Variants in RNF24 observed in about 807,000 individuals in gnomAD.
RNF24 encodes ring finger protein 24.
Under a neutral mutation model 20.0 loss-of-function variants are expected in RNF24, and 14 were observed. The observed-to-expected ratio is 0.70, with a 90% CI of 0.46 to 1.10. The LOEUF is 1.10. Among genes scored for constraint, RNF24 ranks in the 50% least tolerant of loss-of-function variants. RNF24 has a pLI of 0.00. For synonymous variants in RNF24, 45 were observed against 61.1 expected (o/e 0.74, Z 1.23); for missense variants, 124 against 177.6 (o/e 0.70, Z 1.71).
chr20:3,946,148 T>C (rs1203979846), intron 3 of RNF24, among the ~76,000 whole-genome samples: 10 of 152,176 alleles, frequency 6.6e-5, no homozygotes, highest in Non-Finnish European at 2.9e-5. Flanking sequence ...TTAGCCTACA[T>C]ACAAATATCT....
At chr20:3,992,003 AG>A in intron 1 of RNF24, among the ~76,000 whole-genome samples, 1 of 151,966 alleles carries the variant, frequency 6.6e-6, no homozygotes, top group Non-Finnish European at 1.5e-5. Flanking sequence ...CTTTTTACTG[AG>A]TTGGAAAATG....
In RNF24 at chr20:3,967,950, G is replaced by A. The variant is rs141103066; in HGVS notation, c.-7-3926C>T. On this transcript the variant is annotated intron_variant, in intron 1 of 5. Transcript: ENST00000358395. ...GGAAGTTGCAGTGAGCCGAGATTGC[G>A]CCACTGCACTCCAGCCTGGCAACAA... 9.1e-3 allele frequency among the ~76,000 whole-genome samples: 1,217 copies of A among 133,306 alleles called. 18 individuals are homozygous for A. Among genetic ancestry groups the A allele is most frequent in the African/African-American group, 0.033 (1,159 of 34,722 alleles). The allele number at this position is 133,306 out of a possible 152,430, so 87.5% of individuals were successfully genotyped here.
intron 1 of RNF24, among the ~76,000 whole-genome samples, chr20:3,991,723 T>C (rs1436039118): frequency 6.6e-6 from 1 of 152,192 alleles, no homozygotes; most frequent in Non-Finnish European, 1.5e-5. Flanking sequence ...AAATATCCTA[T>C]AGCTATCTGT....
intron 1 of RNF24, among the ~76,000 whole-genome samples, chr20:3,971,850 AAC>A (rs1461107208): frequency 1.3e-5 from 2 of 152,364 alleles, no homozygotes; most frequent in Admixed American, 1.3e-4. Flanking sequence ...TGCCAATTAA[AAC>A]ACAGAGACTG....
intron 1 of RNF24, among the ~76,000 whole-genome samples, chr20:4,012,122 A>T (rs1328985113): frequency 6.6e-6 from 1 of 152,114 alleles, no homozygotes; most frequent in Non-Finnish European, 1.5e-5. Context: ...AAAACAATAA[A>T]CAATTATTGG....
chr20:3,970,940 G>C (rs1350651144), intron 1 of RNF24, among the ~76,000 whole-genome samples: 1 of 152,106 alleles, frequency 6.6e-6, no homozygotes, highest in Non-Finnish European at 1.5e-5. Context: ...CAGCTACTCG[G>C]CAAGCTGAGG....
intron 1 of RNF24, among the ~76,000 whole-genome samples, chr20:3,965,478 A>G (rs915202176): frequency 6.6e-6 from 1 of 152,230 alleles, no homozygotes; most frequent in African/African-American, 2.4e-5. Context: ...GACAGCTTCC[A>G]AACATAAATA....
intron 2 of RNF24, among the ~76,000 whole-genome samples, chr20:3,952,432 T>G (rs899513991): frequency 6.6e-6 from 1 of 152,150 alleles, no homozygotes; most frequent in African/African-American, 2.4e-5. Context: ...TCTGGTGGCT[T>G]GCTAATTCTA....
chr20:3,972,591 C>T lies in RNF24; in HGVS notation c.-7-8567G>A, dbSNP rs575892715. ...GTCTTAAAAGAAATTTTTAAAAATA[C>T]ACTGAATTGATTGAAAATGAAAATA... On this transcript the variant is annotated intron_variant, in intron 1 of 5. Coordinates refer to ENST00000358395, the MANE Select transcript of RNF24 (RefSeq NM_001134337.3). 2.8e-4 allele frequency among the ~76,000 whole-genome samples: 42 copies of T among 152,262 alleles called. No individual in the cohort carries two copies. In the South Asian group the frequency reaches 8.7e-3, roughly 32 times the overall value.
At position 3,953,233 on chromosome 20, in the gene RNF24, G is replaced by A. The variant is rs368437799; in HGVS notation, c.144-4954C>T. Among the ~76,000 whole-genome samples, 7 of 151,968 alleles carry A rather than the reference G, an allele frequency of 4.6e-5. No individual in the cohort carries two copies. In the East Asian group the frequency reaches 5.8e-4, roughly 13 times the overall value. ...AGTGCGTGATCTCGGCTCACTGCAAGCTCCGCCTCCTGGGTTCACGCCATT... is the reference window on the plus strand; with the variant it reads ...AGTGCGTGATCTCGGCTCACTGCAAACTCCGCCTCCTGGGTTCACGCCATT... On this transcript the variant is annotated intron_variant, in intron 2 of 5. Transcript: ENST00000358395.
intron 3 of RNF24, among the ~76,000 whole-genome samples, chr20:3,948,003 G>A (rs989537127): frequency 2.6e-5 from 4 of 151,106 alleles, no homozygotes; most frequent in African/African-American, 7.3e-5. Context: ...CCGAGATCAC[G>A]CCATTGCACT....
intron 4 of RNF24, among the ~76,000 whole-genome samples, chr20:3,940,500 G>C (rs1386022888): frequency 1.3e-5 from 2 of 150,648 alleles, no homozygotes; most frequent in African/African-American, 4.9e-5. Context: ...GAGAGAGAAA[G>C]AGTGAAATGC....
chr20:3,929,038 G>T lies in RNF24; in HGVS notation c.*5025C>A, dbSNP rs1049550881. The T allele has an allele frequency of 6.6e-6, 1 of 151,974 alleles. No individual in the cohort carries two copies. The allele number at this position is 151,974 out of a possible 1,614,324, so 9.4% of individuals were successfully genotyped here. A position where few individuals can be genotyped will look rare whatever the true frequency, so the allele number is the denominator to read the frequency against. On this transcript the variant is annotated 3_prime_UTR_variant, in exon 6 of 6. Coordinates refer to ENST00000358395, the MANE Select transcript of RNF24 (RefSeq NM_001134337.3). ...AAATTTTTGTATTTTTAGTAGAGGG[G>T]GTTTCACCATATTGGTCAGGCTGGT...
intron 1 of RNF24, among the ~76,000 whole-genome samples, chr20:4,007,150 C>T (rs1180123836): frequency 6.6e-6 from 1 of 152,206 alleles, no homozygotes. Flanking sequence ...TCAAGTTTAG[C>T]TTGTATATTT....
At chr20:3,993,771 G>A (rs1289028369) in intron 1 of RNF24, among the ~76,000 whole-genome samples, 1 of 152,154 alleles carries the variant, frequency 6.6e-6, no homozygotes, top group Admixed American at 6.5e-5. Flanking sequence ...GCCTTAGAGG[G>A]CCTCCAGAAA....
intron 4 of RNF24, among the ~76,000 whole-genome samples, chr20:3,936,297 G>C (rs2090890148): frequency 6.6e-6 from 1 of 152,164 alleles, no homozygotes; most frequent in African/African-American, 2.4e-5. Flanking sequence ...GCTGGCCTTG[G>C]CTCAGACACA....
At chr20:3,973,176 C>A (rs1252523952) in intron 1 of RNF24, among the ~76,000 whole-genome samples, 1 of 151,682 alleles carries the variant, frequency 6.6e-6, no homozygotes, top group African/African-American at 2.4e-5. Context: ...GCACTCCAGC[C>A]TGGGTGACAC....
chr20:3,984,108 T>C (rs2078160113), intron 1 of RNF24, among the ~76,000 whole-genome samples: 1 of 151,870 alleles, frequency 6.6e-6, no homozygotes, highest in Non-Finnish European at 1.5e-5. Context: ...GGTACACCTG[T>C]AGTCCTAGCT....
intron 1 of RNF24, among the ~76,000 whole-genome samples, chr20:4,001,679 G>A (rs780735453): frequency 2.6e-5 from 4 of 152,064 alleles, no homozygotes; most frequent in South Asian, 2.1e-4. Context: ...AATCACGCCC[G>A]TAGCCCAGCA....
Sources: gnomAD v4.1 joint callset for allele counts (sites outside exome capture counted in the v4.1 genomes callset) on GRCh38, gnomAD v4.1.1 for gene constraint, MANE v1.5 for transcripts, NCBI Gene and HGNC (gene_info 2026-07-23, HGNC 2026-07-21) for gene names.